ATP2B2: variants seen among roughly 807,000 people sequenced by gnomAD.
ATP2B2 encodes the protein plasma membrane calcium-transporting ATPase 2.
ATP2B2 carries 15 observed loss-of-function variants against 120.0 expected under a neutral mutation model. The ratio of observed to expected loss-of-function variants is 0.12; its 90% CI spans 0.08 to 0.19. The LOEUF (loss-of-function observed/expected upper bound fraction) is 0.19. Ranked by LOEUF, ATP2B2 falls within the 10% of genes least tolerant of loss-of-function variation. ATP2B2 has a pLI of 1.00. For missense variants in ATP2B2, 1,045 were observed against 1,719.8 expected (o/e 0.61, Z 6.94); for synonymous variants, 694 against 700.3 (o/e 0.99, Z 0.14).
intron 2 of ATP2B2, among the ~76,000 whole-genome samples, chr3:10,611,347 G>T (rs182891679): frequency 6.6e-6 from 1 of 152,252 alleles, no homozygotes; most frequent in Non-Finnish European, 1.5e-5. Context: ...CATGTTTGGC[G>T]TTGGGGTGTG....
intron 1 of ATP2B2, among the ~76,000 whole-genome samples, chr3:10,636,171 T>C (rs1393671443): frequency 6.6e-6 from 1 of 152,192 alleles, no homozygotes; most frequent in Admixed American, 6.5e-5. Context: ...ATGAGCATTC[T>C]CCCAGCATCA....
At chr3:10,476,754 T>C (rs2065219113) in intron 1 of ATP2B2, among the ~76,000 whole-genome samples, 2 of 152,218 alleles carry the variant, frequency 1.3e-5, no homozygotes, top group African/African-American at 4.8e-5. Context: ...TTAGAGGAAA[T>C]TAAATTTTTT....
At chr3:10,667,336 C>G (rs73037814) in intron 1 of ATP2B2, among the ~76,000 whole-genome samples, 12,159 of 152,190 alleles carry the variant, frequency 0.08, 741 homozygotes, top group African/African-American at 0.17. Flanking sequence ...TCTCAGACAC[C>G]ACAATATTAT....
chr3:10,525,742 G>A (rs1456655367), intron 3 of ATP2B2, among the ~76,000 whole-genome samples: 1 of 151,846 alleles, frequency 6.6e-6, no homozygotes, highest in Non-Finnish European at 1.5e-5. Context: ...TCTGGGCGGT[G>A]GTTACACCAG....
At chr3:10,339,185 A>G (rs2060208906) in intron 21 of ATP2B2, among the ~76,000 whole-genome samples, 1 of 152,118 alleles carries the variant, frequency 6.6e-6, no homozygotes, top group Non-Finnish European at 1.5e-5. Context: ...AGCCCCCAAG[A>G]GCCTCCTGTA....
chr3:10,490,400 C>CTTTTTTTTTTTTTTTTTT, intron 1 of ATP2B2, among the ~76,000 whole-genome samples: 1 of 136,868 alleles, frequency 7.3e-6, no homozygotes, highest in South Asian at 2.3e-4. Context: ...CCACGGCATT[C>CTTTTTTTTTTTTTTTTTT]TTTTTTTTTT....
At chr3:10,527,252 C>T (rs1374369453) in intron 3 of ATP2B2, among the ~76,000 whole-genome samples, 1 of 152,222 alleles carries the variant, frequency 6.6e-6, no homozygotes, top group Admixed American at 6.5e-5. Context: ...CTACTGGACA[C>T]TTGCCTGTGT....
intron 19 of ATP2B2, among the ~76,000 whole-genome samples, chr3:10,341,114 C>T (rs2060263150): frequency 6.6e-6 from 1 of 151,986 alleles, no homozygotes; most frequent in South Asian, 2.1e-4. Flanking sequence ...TGAGCATGTC[C>T]CTTGCTGAGA....
rs757826245 is a variant in ATP2B2, at chr3:10,410,752, G to A, written c.263C>T (p.Pro88Leu). Reference sequence around the variant, plus strand: ...CAGGAAGGTTTTTGGCTTCTTTGGAGGTATAAAGTTTTGCCCAAAAATTTG... The same window carrying A: ...CAGGAAGGTTTTTGGCTTCTTTGGAAGTATAAAGTTTTGCCCAAAAATTTG... Reference protein sequence around the residue: ...RKQIFGQNFIPPKKPKTFLQL... With the variant: ...RKQIFGQNFILPKKPKTFLQL... The change falls in exon 3 of 23, where the codon CCT (proline) becomes CTT (leucine). Residue 88 changes from proline to leucine, a missense_variant. By Grantham distance (98) the Pro-to-Leu change is moderately conservative (BLOSUM62 -3). Coordinates refer to ENST00000360273, the MANE Select transcript of ATP2B2 (RefSeq NM_001001331.4). 5 of 1,614,188 alleles carry A rather than the reference G, an allele frequency of 3.1e-6. No homozygotes were observed. Among genetic ancestry groups the A allele is most frequent in the Admixed American group, 1.7e-5 (1 of 60,034 alleles).
intron 10 of ATP2B2, among the ~76,000 whole-genome samples, chr3:10,376,575 TC>T (rs1300054120): frequency 1.3e-5 from 2 of 152,100 alleles, no homozygotes; most frequent in African/African-American, 4.8e-5. Context: ...AGCATGCCCA[TC>T]CCCCATCTGC....
At chr3:10,386,231 G>T (rs547750425) in intron 7 of ATP2B2, among the ~76,000 whole-genome samples, 1 of 150,140 alleles carries the variant, frequency 6.7e-6, no homozygotes, top group Non-Finnish European at 1.5e-5. Flanking sequence ...GTGTAGAGAT[G>T]GGGGTGGTAC....
At chr3:10,672,329 A>G (rs1182427742) in intron 1 of ATP2B2, among the ~76,000 whole-genome samples, 2 of 152,234 alleles carry the variant, frequency 1.3e-5, no homozygotes, top group African/African-American at 2.4e-5. Flanking sequence ...ACAGCTGGGT[A>G]CGGGGCACCC....
chr3:10,616,422 T>G (rs917543587), intron 2 of ATP2B2, among the ~76,000 whole-genome samples: 1 of 152,144 alleles, frequency 6.6e-6, no homozygotes, highest in Non-Finnish European at 1.5e-5. Flanking sequence ...GTCTTAAACT[T>G]CTATCCTCTA....
chr3:10,536,803 C>T (rs2067327535), intron 2 of ATP2B2, among the ~76,000 whole-genome samples: 1 of 152,340 alleles, frequency 6.6e-6, no homozygotes, highest in South Asian at 2.1e-4. Flanking sequence ...GTTGGGATTA[C>T]AGGCCTGAGC....
intron 22 of ATP2B2, among the ~76,000 whole-genome samples, chr3:10,333,543 G>A (rs1574929642): frequency 1.3e-5 from 2 of 152,074 alleles, no homozygotes; most frequent in South Asian, 4.1e-4. Context: ...AAGGAGGCAC[G>A]AGGCTGTGTT....
In ATP2B2 at chr3:10,329,526, T is replaced by A. The variant is rs2125321986; in HGVS notation, c.3421-401A>T. Among the ~76,000 whole-genome samples the A allele has an allele frequency of 6.6e-6, 1 of 151,986 alleles. No homozygotes were observed. Among genetic ancestry groups the A allele is most frequent in the African/African-American group, 2.4e-5 (1 of 41,400 alleles). On this transcript the variant is annotated intron_variant, in intron 22 of 22. Transcript: ENST00000360273. This position sits in a 1 kb window ranked among gnomAD's most constrained non-coding sequence, Gnocchi z 5.9. Reference sequence around the variant, plus strand: ...GACAGGGAGGAGGACCAGGTGGGAATCAAGTAGGAAAGAGGAGAGGCTATT... The same window carrying A: ...GACAGGGAGGAGGACCAGGTGGGAAACAAGTAGGAAAGAGGAGAGGCTATT...
chr3:10,519,036 C>T (rs1266393361), intron 3 of ATP2B2, among the ~76,000 whole-genome samples: 1 of 152,230 alleles, frequency 6.6e-6, no homozygotes, highest in Non-Finnish European at 1.5e-5. Flanking sequence ...ACACTTGGCA[C>T]ATTATGAACT....
In ATP2B2 at chr3:10,392,213, T is replaced by A. The variant is rs561015885; in HGVS notation, c.782-3811A>T. On this transcript the variant is annotated intron_variant, in intron 5 of 22. Transcript: ENST00000360273. ...GTTTGGAGCTGCAACTCCAGCACAATTTTTTGTACTATTTTGAACTTTCCA... is the reference window on the plus strand; with the variant it reads ...GTTTGGAGCTGCAACTCCAGCACAAATTTTTGTACTATTTTGAACTTTCCA... 8.5e-5 allele frequency among the ~76,000 whole-genome samples: 13 copies of A among 152,274 alleles called. No individual in the cohort carries two copies. In the East Asian group the frequency reaches 2.5e-3, roughly 29 times the overall value.
At chr3:10,574,817 C>T (rs1006727178) in intron 2 of ATP2B2, among the ~76,000 whole-genome samples, 2 of 152,044 alleles carry the variant, frequency 1.3e-5, no homozygotes, top group Middle Eastern at 3.4e-3. Context: ...TGGACTACTT[C>T]GGGGTGGGAG....
Sources: gnomAD v4.1 joint callset for allele counts (sites outside exome capture counted in the v4.1 genomes callset) on GRCh38, gnomAD v4.1.1 for gene constraint, Gnocchi (gnomAD v3.1) non-coding constraint, MANE v1.5 for transcripts, NCBI Gene and HGNC (gene_info 2026-07-23, HGNC 2026-07-21) for gene names.